The following LRRC42 variants were observed in gnomAD, a reference collection of about 807,000 sequenced individuals.
LRRC42 encodes the protein leucine-rich repeat-containing protein 42.
LRRC42 carries 43 observed loss-of-function variants against 44.3 expected under a neutral mutation model. The observed-to-expected ratio is 0.97, with a 90% confidence interval of 0.76 to 1.25. The LOEUF is 1.25. Among genes scored for constraint, LRRC42 ranks in the 50% most tolerant of loss-of-function variants. The probability of loss-of-function intolerance (pLI) is 0.00; values close to 1 mark genes in which losing one functional copy is unlikely to be tolerated. For synonymous variants in LRRC42, 207 were observed against 195.2 expected, an observed-to-expected ratio of 1.06 and a Z score of -0.50; for missense variants, 540 against 509.1, an observed-to-expected ratio of 1.06 and a Z score of -0.58.
At chr1:53,949,226 A>T (rs1446801384) in intron 2 of LRRC42, among the ~76,000 whole-genome samples, 1 of 152,062 alleles carries the variant, frequency 6.6e-6, no homozygotes, top group African/African-American at 2.4e-5. Flanking sequence ...CCTCTGCTGG[A>T]TGGAATCAGA....
intron 1 of LRRC42, among the ~76,000 whole-genome samples, chr1:53,947,426 AGT>A (rs1417822738): frequency 6.6e-6 from 1 of 152,150 alleles, no homozygotes; most frequent in Non-Finnish European, 1.5e-5. Context: ...GGAAAAAAGT[AGT>A]GAGGAAAGTT....
At position 53,947,800 on chromosome 1, in the gene LRRC42, G is replaced by A. The variant is rs902152513; in HGVS notation, c.-36G>A. 6.6e-6 allele frequency: 1 copy of A among 151,954 alleles called. No individual in the cohort carries two copies. Among genetic ancestry groups the A allele is most frequent in the African/African-American group, 2.4e-5 (1 of 41,328 alleles). 9.4% of individuals were successfully genotyped at this position (151,954 alleles called of 1,614,324 possible). A position where few individuals can be genotyped will look rare whatever the true frequency, so the allele number is the denominator to read the frequency against. ...CCCCTCCCCCCAGGCTTCATCCAGT[G>A]AATACTAGAGGGATCGAACAGGTGG... On this transcript the variant is annotated 5_prime_UTR_variant, in exon 2 of 9. Coordinates refer to ENST00000371370, the MANE Select transcript of LRRC42 (RefSeq NM_001256409.2).
At chr1:53,963,968 T>C in intron 7 of LRRC42, among the ~76,000 whole-genome samples, 1 of 103,666 alleles carries the variant, frequency 9.6e-6, no homozygotes, top group Non-Finnish European at 1.8e-5. Flanking sequence ...ATCTTCATTG[T>C]CCCCCTTTGT....
intron 3 of LRRC42, among the ~76,000 whole-genome samples, chr1:53,953,091 AACT>A (rs1425321898): frequency 6.6e-6 from 1 of 152,248 alleles, no homozygotes; most frequent in Non-Finnish European, 1.5e-5. Context: ...AAAACAATAA[AACT>A]ATACATGGCA....
intron 7 of LRRC42, among the ~76,000 whole-genome samples, chr1:53,963,597 G>A (rs769790940): frequency 6.6e-6 from 1 of 152,246 alleles, no homozygotes; most frequent in Non-Finnish European, 1.5e-5. Flanking sequence ...TGGCCTGAGA[G>A]TAAGTTGACT....
Position 53,967,894 on chromosome 1 carries a change from T to C in LRRC42, c.1242T>C (p.Tyr414=), listed in dbSNP as rs201045375. The C allele has an allele frequency of 6.8e-5, 109 of 1,614,152 alleles. No homozygotes were observed. Among genetic ancestry groups the C allele is most frequent in the African/African-American group, 2.9e-4 (22 of 75,042 alleles). ...CTTCACAACCTTCAAAGCAGAAATATGTATGTCTTGCTGTGGAAGACTGGG... is the reference window on the plus strand; with the variant it reads ...CTTCACAACCTTCAAAGCAGAAATACGTATGTCTTGCTGTGGAAGACTGGG... ...NNSSQPSKQK[Y]VCLAVEDWDL... is the part of the protein sequence containing the mutation. Residue 414 remains tyrosine (Y), a synonymous_variant, in exon 9 of 9, where the codon TAT becomes TAC. Coordinates refer to ENST00000371370, the MANE Select transcript of LRRC42 (RefSeq NM_001256409.2).
At chr1:53,963,178 A>T (rs1655041108) in intron 7 of LRRC42, among the ~76,000 whole-genome samples, 1 of 152,184 alleles carries the variant, frequency 6.6e-6, no homozygotes. Flanking sequence ...AGAACTATCC[A>T]CCTGCTGGAT....
rs1655177626 is a variant in LRRC42 at position 53,968,010 on chromosome 1, T to A, written c.*71T>A. 9.3e-6 allele frequency: 14 copies of A among 1,506,978 alleles called. No individual in the cohort carries two copies. The highest frequency in any genetic ancestry group is 1.3e-5 in the Non-Finnish European group (14 of 1,116,608). The allele number at this position is 1,506,978 out of a possible 1,614,324, so 93.4% of individuals were successfully genotyped here. On this transcript the variant is annotated 3_prime_UTR_variant, in exon 9 of 9. Transcript: ENST00000371370. ...TTGAGTAAAGGAGACTGAGGATGAT[T>A]TACTTTTTGTTTGAATTTACCTATG...
chr1:53,951,945 C>T, intron 2 of LRRC42, 41 bp from the exon 3 acceptor site: 5 of 1,439,074 alleles, frequency 3.5e-6, no homozygotes, highest in Non-Finnish European at 4.8e-6. Context: ...TTACAAATGG[C>T]ATTTTAATTG....
At chr1:53,955,400 G>T (rs940623817) in intron 3 of LRRC42, among the ~76,000 whole-genome samples, 2 of 151,756 alleles carry the variant, frequency 1.3e-5, no homozygotes, top group African/African-American at 4.8e-5. Context: ...AGGTTCAGGT[G>T]ATTCTCCCAC....
intron 7 of LRRC42, among the ~76,000 whole-genome samples, chr1:53,965,710 C>T (rs1655113352): frequency 6.7e-6 from 1 of 150,224 alleles, no homozygotes; most frequent in Non-Finnish European, 1.5e-5. Context: ...CTCCTGACCT[C>T]GTGACCCGCC....
At chr1:53,951,070 C>T (rs1654665396) in intron 2 of LRRC42, among the ~76,000 whole-genome samples, 1 of 152,160 alleles carries the variant, frequency 6.6e-6, no homozygotes, top group African/African-American at 2.4e-5. Flanking sequence ...TCTCAAGGAG[C>T]CCAAAGCAGC....
chr1:53,964,726 C>T (rs1655081694), intron 7 of LRRC42, among the ~76,000 whole-genome samples: 1 of 152,158 alleles, frequency 6.6e-6, no homozygotes, highest in Non-Finnish European at 1.5e-5. Flanking sequence ...CTCATTTAAT[C>T]CTTAAAACAG....
chr1:53,952,472 G>A lies in LRRC42; in HGVS notation c.473G>A (p.Arg158Lys). The A allele has an allele frequency of 6.3e-7, 1 of 1,590,092 alleles. No homozygotes were observed. Among genetic ancestry groups the A allele is most frequent in the Non-Finnish European group, 8.6e-7 (1 of 1,163,872 alleles). ...LVLCSLCLRN[R>K]YLVISEKLEE... The stretch of plus-strand genomic sequence containing the variant: ...CTTTGCTCCCTGTGTTTGCGAAACA[G>A]GTGGGTGTTCTGATTAGATTATTCG... Residue 158 changes from arginine to lysine, a missense_variant and splice_region_variant, in exon 3 of 9, where the codon AGG becomes AAG. Transcript: ENST00000371370.
In LRRC42 at chr1:53,960,402, G is replaced by T. The variant is rs2100927767; in HGVS notation, c.652G>T (p.Val218Leu). The T allele has an allele frequency of 1.2e-6, 2 of 1,614,038 alleles. No homozygotes were observed. The highest frequency in any genetic ancestry group is 1.3e-5 in the African/African-American group (1 of 75,052). The change falls in exon 5 of 9, where the codon GTG becomes TTG. Residue 218 changes from valine to leucine, a missense_variant. Val to Leu is a conservative substitution (Grantham distance 32). Transcript: ENST00000371370. ...GGATAATTGTTTATCTGATGCTGGG[G>T]TGCGGAAGATGACAGCACCAGTTCG... ...LKDNCLSDAG[V>L]RKMTAPVRVM...
intron 2 of LRRC42, among the ~76,000 whole-genome samples, chr1:53,950,901 A>G (rs1157413202): frequency 1.3e-5 from 2 of 152,214 alleles, no homozygotes; most frequent in Non-Finnish European, 2.9e-5. Flanking sequence ...AGCTCTTGTA[A>G]TGGAGGTATT....
At chr1:53,949,148 A>C (rs1654603658) in intron 2 of LRRC42, among the ~76,000 whole-genome samples, 1 of 152,226 alleles carries the variant, frequency 6.6e-6, no homozygotes, top group African/African-American at 2.4e-5. Context: ...GATCCCTGGA[A>C]GCCAAAGCAG....
At chr1:53,951,251 C>T (rs1323258606) in intron 2 of LRRC42, among the ~76,000 whole-genome samples, 1 of 152,178 alleles carries the variant, frequency 6.6e-6, no homozygotes, top group East Asian at 1.9e-4. Flanking sequence ...TTCCATGGTA[C>T]GTGTAAGTCA....
intron 3 of LRRC42, among the ~76,000 whole-genome samples, chr1:53,954,526 A>G (rs1487922543): frequency 6.6e-6 from 1 of 152,268 alleles, no homozygotes; most frequent in Admixed American, 6.5e-5. Flanking sequence ...AAAATTAGCA[A>G]TACATGCTAT....
Sources: gnomAD v4.1 joint callset for allele counts (sites outside exome capture counted in the v4.1 genomes callset) on GRCh38, gnomAD v4.1.1 for gene constraint, MANE v1.5 for transcripts, NCBI Gene and HGNC (gene_info 2026-07-23, HGNC 2026-07-21) for gene names.